Variants in CCBE1 observed in about 807,000 individuals in gnomAD.
The protein encoded by CCBE1 is collagen and calcium-binding EGF domain-containing protein 1.
Under a neutral mutation model 50.0 loss-of-function variants are expected in CCBE1, and 37 were observed. That is an observed-to-expected ratio of 0.74 (90% CI 0.57 to 0.97). The LOEUF is 0.97. CCBE1 is among the 50% of genes least tolerant of loss of function. The pLI, the probability that CCBE1 is intolerant of heterozygous loss-of-function variation, is 0.00. For synonymous variants in CCBE1, 234 were observed against 203.7 expected (o/e 1.15, Z -1.27); for missense variants, 538 against 523.8 (o/e 1.03, Z -0.26).
intron 2 of CCBE1, among the ~76,000 whole-genome samples, chr18:59,556,702 T>G (rs1230362586): frequency 3.3e-5 from 5 of 152,158 alleles, no homozygotes; most frequent in Non-Finnish European, 5.9e-5. Context: ...GGAAAAAAAA[T>G]CAATACATTG....
At chr18:59,489,405 T>G (rs1258853700) in intron 2 of CCBE1, among the ~76,000 whole-genome samples, 1 of 149,898 alleles carries the variant, frequency 6.7e-6, no homozygotes. Flanking sequence ...TTCTTATTTT[T>G]CTTCTTTTTA....
At chr18:59,516,206 G>A (rs945308981) in intron 2 of CCBE1, among the ~76,000 whole-genome samples, 6 of 151,578 alleles carry the variant, frequency 4.0e-5, no homozygotes, top group Non-Finnish European at 7.4e-5. Context: ...TGATCCACCC[G>A]CCTCAGCCTC....
intron 2 of CCBE1, among the ~76,000 whole-genome samples, chr18:59,601,343 C>G (rs1421023402): frequency 1.2e-4 from 18 of 151,998 alleles, no homozygotes; most frequent in Admixed American, 1.2e-3. Context: ...CAGGGTCTTT[C>G]CCATGCTGTT....
intron 2 of CCBE1, among the ~76,000 whole-genome samples, chr18:59,668,221 C>A (rs1207429187): frequency 6.6e-6 from 1 of 152,020 alleles, no homozygotes; most frequent in East Asian, 1.9e-4. Context: ...AGTTCAAGAC[C>A]AGCCTGGCCA....
chr18:59,664,848 A>G lies in CCBE1; in HGVS notation c.212+31781T>C, dbSNP rs1331463433. On this transcript the variant is annotated intron_variant, in intron 2 of 10. Transcript: ENST00000439986. Reference sequence around the variant, plus strand: ...ATGGGCACTATTAATAATCACAATTATAAAATAGGCAAATGCTGGCACTGT... The same window carrying G: ...ATGGGCACTATTAATAATCACAATTGTAAAATAGGCAAATGCTGGCACTGT... Among the ~76,000 whole-genome samples, 7 of 152,210 alleles carry G rather than the reference A, an allele frequency of 4.6e-5. No homozygotes were observed. In the East Asian group the frequency reaches 1.3e-3, roughly 29 times the overall value.
At chr18:59,689,934 T>G (rs1330909875) in intron 2 of CCBE1, among the ~76,000 whole-genome samples, 1 of 152,192 alleles carries the variant, frequency 6.6e-6, no homozygotes, top group East Asian at 1.9e-4. Context: ...GGGATTTCTG[T>G]TGCTGAAAGG....
intron 2 of CCBE1, among the ~76,000 whole-genome samples, chr18:59,544,438 G>T (rs1451702424): frequency 6.6e-6 from 1 of 152,100 alleles, no homozygotes; most frequent in Non-Finnish European, 1.5e-5. Context: ...TTACAAAAAG[G>T]ACATGATTTT....
At chr18:59,542,033 G>A (rs28525136) in intron 2 of CCBE1, among the ~76,000 whole-genome samples, 42,159 of 151,668 alleles carry the variant, frequency 0.28, 6,038 homozygotes, top group African/African-American at 0.33. Context: ...AAAATTAGCC[G>A]GGTATGGTAG....
intron 2 of CCBE1, among the ~76,000 whole-genome samples, chr18:59,675,954 G>A (rs1410374883): frequency 6.6e-6 from 1 of 152,206 alleles, no homozygotes; most frequent in East Asian, 1.9e-4. Flanking sequence ...AGGACCTACA[G>A]TTAATAAAAG....
intron 3 of CCBE1, among the ~76,000 whole-genome samples, chr18:59,478,983 C>G (rs1202416064): frequency 6.6e-6 from 1 of 152,126 alleles, no homozygotes; most frequent in African/African-American, 2.4e-5. Context: ...AAGGTCACAG[C>G]TATGGTTCAA....
rs1000254736 is a variant in CCBE1 at position 59,433,373 on chromosome 18, G to C, written c.*2535C>G. On this transcript the variant is annotated 3_prime_UTR_variant, in exon 11 of 11. Transcript: ENST00000439986. ...CTCACTTTTTTTAAAGTGAAAGTTT[G>C]CTTTCACTTTAAAAATGTTAGTGGA... 1 of 151,482 alleles carries C rather than the reference G, an allele frequency of 6.6e-6. No homozygotes were observed. The highest frequency in any genetic ancestry group is 1.9e-4 in the East Asian group (1 of 5,162). 9.4% of individuals were successfully genotyped at this position (151,482 alleles called of 1,614,324 possible). A position where few individuals can be genotyped will look rare whatever the true frequency, so the allele number is the denominator to read the frequency against.
rs148271640 is a variant in CCBE1, at chr18:59,588,380, C to A, written c.213-108142G>T. On this transcript the variant is annotated intron_variant, in intron 2 of 10. Transcript: ENST00000439986. ...AGTTTGAGACCAGCTTGGGAAACTT[C>A]GTGAGACCCCATCTCATTATAAAGA... Among the ~76,000 whole-genome samples the A allele has an allele frequency of 2.1e-3, 313 of 152,074 alleles. 4 individuals carry two copies. In the East Asian group the frequency reaches 0.032, roughly 15 times the overall value.
At chr18:59,530,915 AAATT>A (rs531292525) in intron 2 of CCBE1, among the ~76,000 whole-genome samples, 3 of 152,194 alleles carry the variant, frequency 2.0e-5, no homozygotes, top group Admixed American at 2.0e-4. Context: ...ACTATTTCTT[AAATT>A]ATTTATGATG....
chr18:59,618,593 C>A (rs1193168561), intron 2 of CCBE1, among the ~76,000 whole-genome samples: 3 of 152,100 alleles, frequency 2.0e-5, no homozygotes, highest in African/African-American at 4.8e-5. Context: ...TGCCACCAAA[C>A]CCTGCTAATT....
chr18:59,529,699 G>T (rs1914973486), intron 2 of CCBE1, among the ~76,000 whole-genome samples: 1 of 152,034 alleles, frequency 6.6e-6, no homozygotes, highest in Non-Finnish European at 1.5e-5. Context: ...CAGTCCCAGT[G>T]AGAGAACCTG....
At chr18:59,475,926 C>T (rs1381491077) in intron 3 of CCBE1, among the ~76,000 whole-genome samples, 3 of 152,148 alleles carry the variant, frequency 2.0e-5, no homozygotes, top group Admixed American at 6.5e-5. Context: ...ACTATTTTGG[C>T]CAGACTGGTT....
chr18:59,696,481 T>C (rs1312797527), intron 2 of CCBE1, 148 bp downstream of exon 2: 3 of 1,515,506 alleles, frequency 2.0e-6, no homozygotes, highest in Admixed American at 4.0e-5. Context: ...CCCTCAAAGA[T>C]TCGCACCGCG....
At chr18:59,692,825 C>G (rs1360297347) in intron 2 of CCBE1, among the ~76,000 whole-genome samples, 4 of 152,096 alleles carry the variant, frequency 2.6e-5, no homozygotes, top group African/African-American at 9.7e-5. Context: ...ACCGGCAGGG[C>G]AGAGAGGCAC....
At chr18:59,624,150 A>G (rs983053778) in intron 2 of CCBE1, among the ~76,000 whole-genome samples, 4 of 152,252 alleles carry the variant, frequency 2.6e-5, no homozygotes, top group African/African-American at 7.2e-5. Flanking sequence ...AGCTTCTGGT[A>G]TGGAAGTGCT....
Sources: gnomAD v4.1 joint callset for allele counts (sites outside exome capture counted in the v4.1 genomes callset) on GRCh38, gnomAD v4.1.1 for gene constraint, MANE v1.5 for transcripts, NCBI Gene and HGNC (gene_info 2026-07-23, HGNC 2026-07-21) for gene names.